The following SMCO4 variants were observed in gnomAD, a reference collection of about 807,000 sequenced individuals.
SMCO4 encodes the protein single-pass membrane protein with coiled-coil domains 4.
Under a neutral mutation model 3.6 loss-of-function variants are expected in SMCO4, and 4 were observed. That is an observed-to-expected ratio of 1.11 (90% confidence interval 0.54 to 2.53). The LOEUF (loss-of-function observed/expected upper bound fraction) is 2.53, where lower values mean the gene tolerates loss of function less well. SMCO4 is among the 30% of genes most tolerant of loss of function. SMCO4 has a pLI of 0.02. For synonymous variants in SMCO4, 36 were observed against 35.3 expected, an observed-to-expected ratio of 1.02 and a Z score of -0.07; for missense variants, 70 against 80.8, an observed-to-expected ratio of 0.87 and a Z score of 0.51.
chr11:93,506,438 A>G (rs12803409), intron 1 of SMCO4, among the ~76,000 whole-genome samples: 4 of 145,302 alleles, frequency 2.8e-5, no homozygotes, highest in Admixed American at 6.8e-5. Flanking sequence ...CCACACACAC[A>G]GCTTTTTTTT....
intron 1 of SMCO4, among the ~76,000 whole-genome samples, chr11:93,508,969 T>C (rs1948933563): frequency 6.6e-6 from 1 of 152,082 alleles, no homozygotes. Flanking sequence ...ACAGAGGCCA[T>C]ATAGAAGAGA....
intron 1 of SMCO4, among the ~76,000 whole-genome samples, chr11:93,519,594 T>C (rs1417043875): frequency 6.6e-6 from 1 of 152,184 alleles, no homozygotes; most frequent in East Asian, 1.9e-4. Flanking sequence ...ATGTGCAAAA[T>C]ATAAAACTAC....
intron 1 of SMCO4, among the ~76,000 whole-genome samples, chr11:93,526,175 C>T (rs1451825880): frequency 2.0e-5 from 3 of 152,046 alleles, no homozygotes; most frequent in Non-Finnish European, 4.4e-5. Context: ...CAGAAAGGGT[C>T]CAATGAAGAG....
intron 2 of SMCO4, among the ~76,000 whole-genome samples, chr11:93,493,797 T>A (rs960814923): frequency 1.2e-4 from 19 of 152,164 alleles, no homozygotes; most frequent in African/African-American, 4.6e-4. Flanking sequence ...CTTGCCCACT[T>A]CCAAGCCTCC....
chr11:93,537,574 C>A (rs1949237615), intron 1 of SMCO4, among the ~76,000 whole-genome samples: 2 of 151,918 alleles, frequency 1.3e-5, no homozygotes, highest in South Asian at 4.1e-4. Context: ...CGCACCTAAA[C>A]ACGAAGCAAA....
Position 93,478,838 on chromosome 11 carries a change from C to T in SMCO4, c.*172G>A, listed in dbSNP as rs1415659451. The stretch of plus-strand genomic sequence containing the variant: ...TTCACTGATAAAACATCCCCTATTC[C>T]CTCCCAAGAAAGCGGAGATACTTTA... On this transcript the variant is annotated 3_prime_UTR_variant, in exon 3 of 3. Coordinates refer to ENST00000298966, the MANE Select transcript of SMCO4 (RefSeq NM_020179.3). 7.1e-7 allele frequency: 1 copy of T among 1,416,214 alleles called. No homozygotes were observed. The highest frequency in any genetic ancestry group is 9.2e-7 in the Non-Finnish European group (1 of 1,087,418). 87.7% of individuals were successfully genotyped at this position (1,416,214 alleles called of 1,614,324 possible).
intron 2 of SMCO4, among the ~76,000 whole-genome samples, chr11:93,489,052 G>A (rs889100266): frequency 3.9e-5 from 6 of 152,284 alleles, no homozygotes; most frequent in African/African-American, 1.4e-4. Context: ...GTAAGTCTGA[G>A]GGAGGGTGGC....
intron 1 of SMCO4, among the ~76,000 whole-genome samples, chr11:93,525,003 A>G (rs1258951661): frequency 6.6e-6 from 1 of 152,190 alleles, no homozygotes; most frequent in Non-Finnish European, 1.5e-5. Context: ...CACATCCCCA[A>G]CACCCACAGC....
At chr11:93,541,629 T>C (rs1355651829) in intron 1 of SMCO4, among the ~76,000 whole-genome samples, 1 of 152,154 alleles carries the variant, frequency 6.6e-6, no homozygotes, top group Non-Finnish European at 1.5e-5. Flanking sequence ...AATACACACT[T>C]TCTAAGCACA....
chr11:93,512,943 C>T (rs1948971525), intron 1 of SMCO4, among the ~76,000 whole-genome samples: 1 of 152,152 alleles, frequency 6.6e-6, no homozygotes, highest in Admixed American at 6.5e-5. Flanking sequence ...TGTTTCAAAG[C>T]CTGGCACATC....
intron 1 of SMCO4, among the ~76,000 whole-genome samples, chr11:93,538,700 A>G (rs964469144): frequency 6.6e-6 from 1 of 152,164 alleles, no homozygotes; most frequent in Non-Finnish European, 1.5e-5. Flanking sequence ...GGGGCATCAG[A>G]CCTGAAATGG....
chr11:93,505,238 A>G (rs1400340129), intron 1 of SMCO4, among the ~76,000 whole-genome samples: 1 of 152,184 alleles, frequency 6.6e-6, no homozygotes, highest in African/African-American at 2.4e-5. Context: ...AAAACAAAAA[A>G]CAAATGATTT....
the SMCO4 span, among the ~76,000 whole-genome samples, chr11:93,553,171 A>G: frequency 6.6e-6 from 1 of 152,248 alleles, no homozygotes; most frequent in Non-Finnish European, 1.5e-5. Context: ...TTTTGCTGAT[A>G]GTACATCTAA....
intron 1 of SMCO4, among the ~76,000 whole-genome samples, chr11:93,541,842 C>T (rs1427113308): frequency 6.6e-6 from 1 of 152,122 alleles, no homozygotes; most frequent in Admixed American, 6.5e-5. Context: ...TGTGGCTGAT[C>T]CAGCCTTACA....
chr11:93,504,804 A>T (rs901982174), intron 1 of SMCO4, among the ~76,000 whole-genome samples: 1 of 152,094 alleles, frequency 6.6e-6, no homozygotes, highest in African/African-American at 2.4e-5. Flanking sequence ...TCTGTTTTGC[A>T]TGGTGGGGAA....
At chr11:93,535,757 G>C (rs914352582) in intron 1 of SMCO4, 51 of 1,608,992 alleles carry the variant, frequency 3.2e-5, no homozygotes, top group Non-Finnish European at 4.1e-5. Flanking sequence ...CTGAAGAAGA[G>C]AGACAAAAAG....
chr11:93,512,620 T>C (rs927888544), intron 1 of SMCO4, among the ~76,000 whole-genome samples: 2 of 152,246 alleles, frequency 1.3e-5, no homozygotes, highest in African/African-American at 2.4e-5. Flanking sequence ...GTATCCAGTA[T>C]AGCAACATGC....
chr11:93,535,531 G>A, intron 1 of SMCO4: 2 of 1,411,118 alleles, frequency 1.4e-6, no homozygotes, highest in Non-Finnish European at 2.0e-6. Context: ...AGAAGTGCTG[G>A]ACATCAGGCA....
intron 1 of SMCO4, chr11:93,535,636 CTGT>C: frequency 6.3e-7 from 1 of 1,592,816 alleles, no homozygotes; most frequent in Non-Finnish European, 8.6e-7. Context: ...CAACAAGTGT[CTGT>C]TAAGAGCTAC....
Sources: gnomAD v4.1 joint callset for allele counts (sites outside exome capture counted in the v4.1 genomes callset) on GRCh38, gnomAD v4.1.1 for gene constraint, MANE v1.5 for transcripts, NCBI Gene and HGNC (gene_info 2026-07-23, HGNC 2026-07-21) for gene names.